VTCN1: variants seen among roughly 807,000 people sequenced by gnomAD.
VTCN1 encodes the protein V-set domain-containing T-cell activation inhibitor 1.
A neutral mutation model predicts 26.5 loss-of-function variants in VTCN1; 26 were observed. That is an observed-to-expected ratio of 0.98 (90% CI 0.72 to 1.36). The LOEUF is 1.36. VTCN1 is among the 40% of genes most tolerant of loss of function. The pLI is 0.00. For synonymous variants in VTCN1, 116 were observed against 130.7 expected, an observed-to-expected ratio of 0.89 and a Z score of 0.77; for missense variants, 298 against 337.7, an observed-to-expected ratio of 0.88 and a Z score of 0.92.
chr1:117,191,966 G>A (rs901791376), intron 1 of VTCN1, among the ~76,000 whole-genome samples: 1 of 151,736 alleles, frequency 6.6e-6, no homozygotes, highest in African/African-American at 2.4e-5. Context: ...CCTGTGGGGT[G>A]GGAGGGAAAT....
intron 1 of VTCN1, chr1:117,173,041 G>A (rs891047644): frequency 3.1e-6 from 2 of 640,872 alleles, no homozygotes; most frequent in Non-Finnish European, 5.8e-6. Context: ...CTTTGGGTCT[G>A]CACTACCTTT....
At chr1:117,150,277 A>G (rs1401283267) in intron 4 of VTCN1, among the ~76,000 whole-genome samples, 1 of 152,232 alleles carries the variant, frequency 6.6e-6, no homozygotes, top group Non-Finnish European at 1.5e-5. Context: ...TCTCTTGAGT[A>G]AGAGATTTTT....
chr1:117,200,246 A>G (rs763873924), intron 1 of VTCN1, among the ~76,000 whole-genome samples: 11 of 152,144 alleles, frequency 7.2e-5, no homozygotes, highest in Admixed American at 6.5e-5. Flanking sequence ...TCTATAATAA[A>G]TAAAGTGGCT....
rs147194120 is a variant in VTCN1 at position 117,207,773 on chromosome 1, T to C, written c.32+3051A>G. On this transcript the variant is annotated intron_variant, in intron 1 of 5. Transcript: ENST00000369458. ...GGTAGTCATTCCAGGATCTGCCCCT[T>C]GCCTCACCTACTCTTATTCTGCAGC... Among the ~76,000 whole-genome samples, 1,159 of 152,250 alleles carry C rather than the reference T, an allele frequency of 7.6e-3. 15 individuals are homozygous for C. Among genetic ancestry groups the C allele is most frequent in the African/African-American group, 0.025 (1,051 of 41,538 alleles).
chr1:117,207,078 T>G (rs964801185), intron 1 of VTCN1, among the ~76,000 whole-genome samples: 2 of 152,070 alleles, frequency 1.3e-5, no homozygotes, highest in African/African-American at 4.8e-5. Flanking sequence ...TGCGAGGCAC[T>G]GTTTTCTCTG....
intron 2 of VTCN1, among the ~76,000 whole-genome samples, chr1:117,165,074 A>G (rs1417219532): frequency 6.6e-6 from 1 of 152,252 alleles, no homozygotes; most frequent in African/African-American, 2.4e-5. Context: ...TCATGCCTGC[A>G]AGGCAAACCA....
chr1:117,198,867 A>T (rs993823369), intron 1 of VTCN1, among the ~76,000 whole-genome samples: 4 of 152,224 alleles, frequency 2.6e-5, no homozygotes, highest in African/African-American at 9.6e-5. Context: ...TTACAAAAAA[A>T]GCCAATGTGG....
chr1:117,146,955 T>C lies in VTCN1; in HGVS notation c.*45+658A>G, dbSNP rs930730680. ...GCAACACAGGGGAAAATGTGATAGG[T>C]AGGGGTTGATAAGAAATTGACATGC... On this transcript the variant is annotated intron_variant, in intron 5 of 5. Transcript: ENST00000369458. The surrounding 1 kb of genome is among the most constrained non-coding windows in gnomAD (Gnocchi z 4.2). 6.6e-6 allele frequency among the ~76,000 whole-genome samples: 1 copy of C among 151,826 alleles called. No homozygotes were observed. The highest frequency in any genetic ancestry group is 1.5e-5 in the Non-Finnish European group (1 of 67,954).
intron 1 of VTCN1, among the ~76,000 whole-genome samples, chr1:117,177,427 G>A (rs755076515): frequency 1.3e-5 from 2 of 152,152 alleles, no homozygotes; most frequent in Non-Finnish European, 2.9e-5. Context: ...CCAGGAAACC[G>A]AGAGCAGAAG....
chr1:117,191,248 A>G (rs1449150955), intron 1 of VTCN1, among the ~76,000 whole-genome samples: 1 of 152,256 alleles, frequency 6.6e-6, no homozygotes, highest in Non-Finnish European at 1.5e-5. Flanking sequence ...AAACAATGAA[A>G]AATAGTAAAG....
In VTCN1 at chr1:117,161,708, C is replaced by T. The variant is rs1652377314; in HGVS notation, c.98-4787G>A. 6.6e-6 allele frequency among the ~76,000 whole-genome samples: 1 copy of T among 152,134 alleles called. No individual in the cohort carries two copies. The highest frequency in any genetic ancestry group is 1.9e-4 in the East Asian group (1 of 5,204). ...CTAAAATTATTGTAGGAGTAAGGGA[C>T]GTTTGGCAGGATTACCACATCTAAA... On this transcript the variant is annotated intron_variant, in intron 2 of 5. Transcript: ENST00000369458. The surrounding 1 kb of genome is among the most constrained non-coding windows in gnomAD (Gnocchi z 4.3).
chr1:117,179,742 C>A (rs2101550902), intron 1 of VTCN1, among the ~76,000 whole-genome samples: 1 of 152,330 alleles, frequency 6.6e-6, no homozygotes, highest in Admixed American at 6.5e-5. Flanking sequence ...TCTGCACATG[C>A]CTCCTAAAAC....
chr1:117,160,156 G>T (rs952412873), intron 2 of VTCN1, among the ~76,000 whole-genome samples: 2 of 152,194 alleles, frequency 1.3e-5, no homozygotes, highest in African/African-American at 4.8e-5. Context: ...AAAGAAGTAT[G>T]GGGGAGAGAC....
intron 1 of VTCN1, among the ~76,000 whole-genome samples, chr1:117,209,904 G>C (rs1029372197): frequency 6.6e-6 from 1 of 152,320 alleles, no homozygotes; most frequent in East Asian, 1.9e-4. Flanking sequence ...TTTCACTGTT[G>C]ACCTGAGGAT....
chr1:117,185,233 C>G (rs1389834525), intron 1 of VTCN1, among the ~76,000 whole-genome samples: 1 of 152,076 alleles, frequency 6.6e-6, no homozygotes, highest in East Asian at 1.9e-4. Context: ...TCCTGAGAAA[C>G]CCAGGAAAGA....
chr1:117,161,499 C>T lies in VTCN1; in HGVS notation c.98-4578G>A, dbSNP rs184381603. Among the ~76,000 whole-genome samples, 145 of 152,308 alleles carry T rather than the reference C, an allele frequency of 9.5e-4. 2 individuals carry two copies. The highest frequency in any genetic ancestry group is 3.9e-3 in the Admixed American group (59 of 15,300). ...TAGCAGCTGTCTCCCTCTACCTGGT[C>T]TCTAATCTATCTCTGGAACTAGTTT... On this transcript the variant is annotated intron_variant, in intron 2 of 5. Coordinates refer to ENST00000369458, the MANE Select transcript of VTCN1 (RefSeq NM_024626.4). The surrounding 1 kb of genome is among the most constrained non-coding windows in gnomAD (Gnocchi z 4.3).
intron 4 of VTCN1, among the ~76,000 whole-genome samples, chr1:117,148,756 G>C (rs1651644455): frequency 6.6e-6 from 1 of 152,206 alleles, no homozygotes; most frequent in Admixed American, 6.5e-5. Flanking sequence ...AAGGCAACTG[G>C]AAGATCAAAA....
At chr1:117,157,785 C>T (rs1652165585) in intron 2 of VTCN1, among the ~76,000 whole-genome samples, 2 of 152,204 alleles carry the variant, frequency 1.3e-5, no homozygotes, top group South Asian at 4.1e-4. Flanking sequence ...AAAGTCACAT[C>T]TGAGGCAAGG....
intron 1 of VTCN1, among the ~76,000 whole-genome samples, chr1:117,205,619 A>T (rs917580286): frequency 6.6e-6 from 1 of 152,184 alleles, no homozygotes; most frequent in Non-Finnish European, 1.5e-5. Flanking sequence ...CTGCCATGAC[A>T]GTCACTGAGG....
Sources: allele counts gnomAD v4.1 joint callset (sites outside exome capture counted in the v4.1 genomes callset), GRCh38; gene constraint gnomAD v4.1.1; non-coding constraint Gnocchi (gnomAD v3.1); transcripts MANE v1.5; gene names NCBI Gene and HGNC (gene_info 2026-07-23, HGNC 2026-07-21).